Variants in CNOT6L observed in about 807,000 individuals in gnomAD.
CNOT6L encodes the protein CCR4-NOT transcription complex subunit 6 like, also known as CCR4-NOT transcription complex subunit 6-like.
In CNOT6L, 7 loss-of-function variants were observed where a neutral mutation model predicts 64.0. The ratio of observed to expected loss-of-function variants is 0.11; its 90% CI spans 0.06 to 0.21. The LOEUF is 0.21. CNOT6L is among the 10% of genes least tolerant of loss of function. The probability of loss-of-function intolerance (pLI) is 1.00; values close to 1 mark genes in which losing one functional copy is unlikely to be tolerated. For synonymous variants in CNOT6L, 193 were observed against 243.4 expected, an observed-to-expected ratio of 0.79 and a Z score of 1.93; for missense variants, 245 against 669.0, an observed-to-expected ratio of 0.37 and a Z score of 6.99.
rs577888613 is a variant in CNOT6L at position 77,749,888 on chromosome 4, T to C, written c.491-1504A>G. Reference sequence around the variant, plus strand: ...GTCCCTATGACTGAGTAAAATTCTATTTCCTGGGATCAGCCCTATCTTCTT... The same window carrying C: ...GTCCCTATGACTGAGTAAAATTCTACTTCCTGGGATCAGCCCTATCTTCTT... On this transcript the variant is annotated intron_variant, in intron 5 of 11. Transcript: ENST00000504123. Among the ~76,000 whole-genome samples, 4 of 152,332 alleles carry C rather than the reference T, an allele frequency of 2.6e-5. No homozygotes were observed. The East Asian group carries it at 7.7e-4, about 29-fold the overall frequency.
intron 1 of CNOT6L, among the ~76,000 whole-genome samples, chr4:77,802,361 C>A (rs577583854): frequency 6.6e-6 from 1 of 152,214 alleles, no homozygotes; most frequent in African/African-American, 2.4e-5. Context: ...ATGCACATAT[C>A]CTTTAGGTAT....
Position 77,731,682 on chromosome 4 carries a change from A to T in CNOT6L, c.873-144T>A, listed in dbSNP as rs1481922779. On this transcript the variant is annotated intron_variant, in intron 8 of 11. Coordinates refer to ENST00000504123, the MANE Select transcript of CNOT6L (RefSeq NM_144571.3). The stretch of plus-strand genomic sequence containing the variant: ...GATACAGTTCTGGCCACTAAGACAC[A>T]AGAAGTCTGATTATTGTAAAAAGTT... 6 of 552,644 alleles carry T rather than the reference A, an allele frequency of 1.1e-5. No individual in the cohort carries two copies. In the Admixed American group the frequency reaches 1.1e-4, roughly 10 times the overall value. The allele number at this position is 552,644 out of a possible 1,614,324, so 34.2% of individuals were successfully genotyped here.
intron 8 of CNOT6L, among the ~76,000 whole-genome samples, chr4:77,741,235 TG>T (rs1723551721): frequency 6.6e-6 from 1 of 152,148 alleles, no homozygotes; most frequent in Non-Finnish European, 1.5e-5. Flanking sequence ...CATAGATAAA[TG>T]GGAAGTGGAC....
intron 8 of CNOT6L, among the ~76,000 whole-genome samples, chr4:77,733,329 A>G (rs1722637983): frequency 1.3e-5 from 2 of 152,104 alleles, no homozygotes; most frequent in African/African-American, 2.4e-5. Flanking sequence ...AATGGTAAAT[A>G]ACTGGCCCTA....
intron 1 of CNOT6L, among the ~76,000 whole-genome samples, chr4:77,797,493 T>C (rs957799161): frequency 6.6e-6 from 1 of 152,178 alleles, no homozygotes; most frequent in Non-Finnish European, 1.5e-5. Context: ...TATTAGTCAA[T>C]CAGTATCTAT....
intron 1 of CNOT6L, among the ~76,000 whole-genome samples, chr4:77,799,299 C>T (rs1242596412): frequency 6.6e-6 from 1 of 152,136 alleles, no homozygotes; most frequent in Non-Finnish European, 1.5e-5. Context: ...GTGGCACGCA[C>T]CTGTAGTCCC....
At chr4:77,756,741 TG>T (rs1725618816) in intron 5 of CNOT6L, 120 bp downstream of exon 5, 7 of 579,282 alleles carry the variant, frequency 1.2e-5, no homozygotes, top group Admixed American at 3.3e-5. Flanking sequence ...GGATATACAA[TG>T]GAAGGAACTC....
chr4:77,779,051 A>C (rs1487483336), intron 1 of CNOT6L, among the ~76,000 whole-genome samples: 3 of 97,234 alleles, frequency 3.1e-5, no homozygotes, highest in Non-Finnish European at 4.5e-5. Context: ...TGTCTCAAAA[A>C]AAAAAAAAAA....
At chr4:77,786,834 G>C (rs1327066597) in intron 1 of CNOT6L, among the ~76,000 whole-genome samples, 1 of 152,104 alleles carries the variant, frequency 6.6e-6, no homozygotes. Context: ...AGGGGTTGCT[G>C]AAAAATATCA....
At chr4:77,772,749 C>T (rs549823797) in intron 4 of CNOT6L, among the ~76,000 whole-genome samples, 15 of 152,018 alleles carry the variant, frequency 9.9e-5, no homozygotes, top group African/African-American at 3.4e-4. Flanking sequence ...GGTGAAACCC[C>T]GTCTCTACTA....
chr4:77,715,367 AATT>A lies in CNOT6L; in HGVS notation c.*5061_*5063del, dbSNP rs1321012974. The A allele has an allele frequency of 6.6e-6, 1 of 151,746 alleles. No homozygotes were observed. The highest frequency in any genetic ancestry group is 1.5e-5 in the Non-Finnish European group (1 of 67,998). The allele number at this position is 151,746 out of a possible 1,614,324, so 9.4% of individuals were successfully genotyped here. A position where few individuals can be genotyped will look rare whatever the true frequency, so the allele number is the denominator to read the frequency against. ...CAATGTACCATAAAAAAAAATTAAC[AATT>A]AATAAGCACAAATGTCCTTATGTCA... On this transcript the variant is annotated 3_prime_UTR_variant, in exon 12 of 12. Coordinates refer to ENST00000504123, the MANE Select transcript of CNOT6L (RefSeq NM_144571.3).
chr4:77,813,548 A>T (rs1255555429), intron 1 of CNOT6L, among the ~76,000 whole-genome samples: 1 of 152,200 alleles, frequency 6.6e-6, no homozygotes, highest in African/African-American at 2.4e-5. Flanking sequence ...TATAAAAAAG[A>T]CTCTTACAAC....
chr4:77,767,089 G>GA (rs962955089), intron 4 of CNOT6L, among the ~76,000 whole-genome samples: 2 of 133,466 alleles, frequency 1.5e-5, no homozygotes, highest in African/African-American at 5.5e-5. Flanking sequence ...AAAAAAAAGG[G>GA]AAAAAAGACA....
At chr4:77,802,526 G>C (rs181671383) in intron 1 of CNOT6L, among the ~76,000 whole-genome samples, 2 of 152,258 alleles carry the variant, frequency 1.3e-5, no homozygotes, top group African/African-American at 4.8e-5. Context: ...CTCTGACTTT[G>C]AAAACTAAGG....
chr4:77,766,966 G>C (rs1726902647), intron 4 of CNOT6L, among the ~76,000 whole-genome samples: 1 of 150,570 alleles, frequency 6.6e-6, no homozygotes, highest in African/African-American at 2.5e-5. Flanking sequence ...AGGAAGCTGA[G>C]GCAGGAGAAT....
intron 8 of CNOT6L, among the ~76,000 whole-genome samples, chr4:77,739,361 A>G (rs566132238): frequency 8.5e-5 from 13 of 152,312 alleles, no homozygotes; most frequent in Admixed American, 8.5e-4. Context: ...TGTAACCTCT[A>G]CAAAAATGAT....
At chr4:77,797,593 G>A (rs147986727) in intron 1 of CNOT6L, among the ~76,000 whole-genome samples, 156 of 152,216 alleles carry the variant, frequency 1.0e-3, no homozygotes, top group Middle Eastern at 6.8e-3. Context: ...TAGTGATGCT[G>A]GAAATTCAGG....
chr4:77,733,501 A>T (rs1722654495), intron 8 of CNOT6L, among the ~76,000 whole-genome samples: 1 of 152,098 alleles, frequency 6.6e-6, no homozygotes, highest in Non-Finnish European at 1.5e-5. Flanking sequence ...ATTACAGTTC[A>T]ATTATTCACA....
At position 77,714,061 on chromosome 4, in the gene CNOT6L, T is replaced by A. The variant is rs1720466095; in HGVS notation, c.*6370A>T. Reference sequence around the variant, plus strand: ...ACAACCTAAAACAGCAGAATTTGTTTTGGAATAGTATCAATGGAAACTACC... The same window carrying A: ...ACAACCTAAAACAGCAGAATTTGTTATGGAATAGTATCAATGGAAACTACC... On this transcript the variant is annotated 3_prime_UTR_variant, in exon 12 of 12. Coordinates refer to ENST00000504123, the MANE Select transcript of CNOT6L (RefSeq NM_144571.3). 6.6e-6 allele frequency: 1 copy of A among 152,600 alleles called. No individual in the cohort carries two copies. The highest frequency in any genetic ancestry group is 2.4e-5 in the African/African-American group (1 of 41,464). 9.5% of individuals were successfully genotyped at this position (152,600 alleles called of 1,614,324 possible).
Sources: allele counts gnomAD v4.1 joint callset (sites outside exome capture counted in the v4.1 genomes callset), GRCh38; gene constraint gnomAD v4.1.1; transcripts MANE v1.5; gene names NCBI Gene and HGNC (gene_info 2026-07-23, HGNC 2026-07-21).